ROBO1: variants seen among roughly 807,000 people sequenced by gnomAD.
ROBO1 encodes roundabout homolog 1.
In ROBO1, 149 loss-of-function variants were observed where a neutral mutation model predicts 195.9. The ratio of observed to expected loss-of-function variants is 0.76; its 90% CI spans 0.67 to 0.87. The LOEUF (loss-of-function observed/expected upper bound fraction) is 0.87, where lower values mean the gene tolerates loss of function less well. Ranked by LOEUF, ROBO1 falls within the 40% of genes least tolerant of loss-of-function variation. The probability of loss-of-function intolerance (pLI) is 0.00; values close to 1 mark genes in which losing one functional copy is unlikely to be tolerated. For missense variants in ROBO1, 1,933 were observed against 2,068.3 expected (o/e 0.93, Z 1.27); for synonymous variants, 816 against 733.2 (o/e 1.11, Z -1.82).
At chr3:79,725,438 G>A (rs937000663) in intron 1 of ROBO1, among the ~76,000 whole-genome samples, 7 of 151,774 alleles carry the variant, frequency 4.6e-5, no homozygotes. Flanking sequence ...GTGTTAGCCA[G>A]GATGGTCTCG....
intron 4 of ROBO1, among the ~76,000 whole-genome samples, chr3:78,922,249 C>T (rs1424902438): frequency 1.3e-5 from 2 of 152,104 alleles, no homozygotes; most frequent in African/African-American, 4.8e-5. Flanking sequence ...GATTCCCTGA[C>T]CCCCAAGTCA....
rs532419532 is a variant in ROBO1 at position 78,888,517 on chromosome 3, C to T, written c.499+50084G>A. On this transcript the variant is annotated intron_variant, in intron 4 of 30. Coordinates refer to ENST00000464233, the MANE Select transcript of ROBO1 (RefSeq NM_002941.4). Reference sequence around the variant, plus strand: ...TTCATTTTCTTGCTCGAAATACACACAGACACACATATACACACTATTTTT... The same window carrying T: ...TTCATTTTCTTGCTCGAAATACACATAGACACACATATACACACTATTTTT... Among the ~76,000 whole-genome samples the T allele has an allele frequency of 3.3e-5, 5 of 152,298 alleles. No homozygotes were observed. The South Asian group carries it at 8.3e-4, about 25-fold the overall frequency.
chr3:79,316,094 T>G (rs1016971689), intron 2 of ROBO1, among the ~76,000 whole-genome samples: 1 of 152,164 alleles, frequency 6.6e-6, no homozygotes, highest in Non-Finnish European at 1.5e-5. Context: ...TATAAAGGAA[T>G]AGTCATCTAA....
chr3:78,702,771 A>G (rs1198288138), intron 8 of ROBO1, among the ~76,000 whole-genome samples: 1 of 152,128 alleles, frequency 6.6e-6, no homozygotes, highest in African/African-American at 2.4e-5. Context: ...CAGTGAGAAA[A>G]CCTTACCCAC....
Position 79,146,649 on chromosome 3 carries a change from C to A in ROBO1, c.89-21110G>T, listed in dbSNP as rs1401516409. ...TTTAAGATTGATTTTTCATTGTTACCATTTTTGCATTATTATTTGGGACTG... is the reference window on the plus strand; with the variant it reads ...TTTAAGATTGATTTTTCATTGTTACAATTTTTGCATTATTATTTGGGACTG... On this transcript the variant is annotated intron_variant, in intron 2 of 30. Transcript: ENST00000464233. Among the ~76,000 whole-genome samples, 16 of 151,734 alleles carry A rather than the reference C, an allele frequency of 1.1e-4. No individual in the cohort carries two copies. The Admixed American group carries it at 1.1e-3, about 10-fold the overall frequency.
At chr3:78,818,747 G>C (rs2030474661) in intron 4 of ROBO1, among the ~76,000 whole-genome samples, 1 of 152,116 alleles carries the variant, frequency 6.6e-6, no homozygotes, top group African/African-American at 2.4e-5. Flanking sequence ...TTGGCTTCCG[G>C]GATGGTCGTC....
At chr3:79,279,434 T>C (rs1001087003) in intron 2 of ROBO1, among the ~76,000 whole-genome samples, 2 of 152,074 alleles carry the variant, frequency 1.3e-5, no homozygotes, top group African/African-American at 4.8e-5. Flanking sequence ...TCCCAAATAG[T>C]ATCACTATTA....
chr3:79,356,911 T>G (rs1234677956), intron 2 of ROBO1, among the ~76,000 whole-genome samples: 1 of 152,160 alleles, frequency 6.6e-6, no homozygotes, highest in African/African-American at 2.4e-5. Context: ...TTCAAGCCAT[T>G]TAGTATTTGA....
chr3:78,830,539 A>G (rs903158454), intron 4 of ROBO1, among the ~76,000 whole-genome samples: 2 of 152,218 alleles, frequency 1.3e-5, no homozygotes, highest in African/African-American at 4.8e-5. Context: ...CCTTCTTCAC[A>G]TGGCGACAGG....
chr3:79,319,071 T>C (rs2033864120), intron 2 of ROBO1, among the ~76,000 whole-genome samples: 1 of 152,228 alleles, frequency 6.6e-6, no homozygotes. Context: ...AACTATCTCC[T>C]GAATAATGTA....
chr3:79,757,615 G>T (rs895778310), intron 1 of ROBO1, among the ~76,000 whole-genome samples: 1 of 151,920 alleles, frequency 6.6e-6, no homozygotes, highest in Non-Finnish European at 1.5e-5. Flanking sequence ...GGAGTTCAAG[G>T]TTGCAGTGAG....
chr3:78,938,146 C>T (rs761375411), intron 4 of ROBO1: 7 of 161,038 alleles, frequency 4.3e-5, no homozygotes, highest in Non-Finnish European at 6.8e-5. Context: ...TGGTGGTTCC[C>T]CATTCTCAGG....
At chr3:79,033,357 T>C (rs1028908555) in intron 3 of ROBO1, among the ~76,000 whole-genome samples, 17 of 152,138 alleles carry the variant, frequency 1.1e-4, no homozygotes, top group Non-Finnish European at 2.5e-4. Context: ...ACATAAAATT[T>C]AAAGAGTTAT....
chr3:78,979,974 A>T (rs1283874137), intron 3 of ROBO1, among the ~76,000 whole-genome samples: 1 of 152,140 alleles, frequency 6.6e-6, no homozygotes, highest in East Asian at 1.9e-4. Context: ...TCCCTGCCTC[A>T]GGGTATTCCT....
At chr3:79,621,864 AG>A (rs1945018641) in intron 1 of ROBO1, among the ~76,000 whole-genome samples, 1 of 152,236 alleles carries the variant, frequency 6.6e-6, no homozygotes, top group Non-Finnish European at 1.5e-5. Context: ...TGAGACTACA[AG>A]GCAACTACGT....
chr3:79,262,047 A>C (rs1024573909), intron 2 of ROBO1, among the ~76,000 whole-genome samples: 1 of 152,106 alleles, frequency 6.6e-6, no homozygotes, highest in African/African-American at 2.4e-5. Flanking sequence ...GTACAGATCT[A>C]AGAAACATGT....
intron 3 of ROBO1, among the ~76,000 whole-genome samples, chr3:78,997,073 G>A (rs79813585): frequency 0.026 from 3,950 of 152,204 alleles, 127 homozygotes; most frequent in Admixed American, 0.06. Flanking sequence ...GGCCCAGGAA[G>A]GCTGCTAAAC....
chr3:78,916,420 CG>C (rs1298135364), intron 4 of ROBO1, among the ~76,000 whole-genome samples: 1 of 149,608 alleles, frequency 6.7e-6, no homozygotes, highest in African/African-American at 2.5e-5. Context: ...GGTGTGGGGG[CG>C]GGTGCCTGTA....
At chr3:78,799,434 C>T (rs1250004900) in intron 4 of ROBO1, among the ~76,000 whole-genome samples, 14 of 152,018 alleles carry the variant, frequency 9.2e-5, no homozygotes, top group South Asian at 6.2e-4. Context: ...CTCTGCCTCC[C>T]GGGTTCACGC....
Sources: gnomAD v4.1 joint callset for allele counts (sites outside exome capture counted in the v4.1 genomes callset) on GRCh38, gnomAD v4.1.1 for gene constraint, MANE v1.5 for transcripts, NCBI Gene and HGNC (gene_info 2026-07-23, HGNC 2026-07-21) for gene names.